Variants in CDH13 observed in about 807,000 individuals in gnomAD.
CDH13 encodes cadherin-13.
Under a neutral mutation model 63.8 loss-of-function variants are expected in CDH13, and 24 were observed. The observed-to-expected ratio is 0.38, with a 90% confidence interval of 0.27 to 0.53. The LOEUF (loss-of-function observed/expected upper bound fraction) is 0.53, where lower values mean the gene tolerates loss of function less well. Among genes scored for constraint, CDH13 ranks in the 20% least tolerant of loss-of-function variants. The probability of loss-of-function intolerance (pLI) is 0.85; values close to 1 mark genes in which losing one functional copy is unlikely to be tolerated. For synonymous variants in CDH13, 503 were observed against 355.3 expected, an observed-to-expected ratio of 1.42 and a Z score of -4.67; for missense variants, 1,049 against 903.1, an observed-to-expected ratio of 1.16 and a Z score of -2.07.
chr16:83,391,917 C>G (rs1206471906), intron 6 of CDH13, among the ~76,000 whole-genome samples: 1 of 152,096 alleles, frequency 6.6e-6, no homozygotes. Flanking sequence ...CTCAGATAAA[C>G]AAGATTTTTT....
chr16:83,067,224 C>G (rs955566424), intron 3 of CDH13, among the ~76,000 whole-genome samples: 1 of 152,184 alleles, frequency 6.6e-6, no homozygotes, highest in African/African-American at 2.4e-5. Flanking sequence ...AGGCAACTGA[C>G]TGTATCTCTG....
At chr16:83,010,546 A>G (rs999380835) in intron 2 of CDH13, among the ~76,000 whole-genome samples, 4 of 152,050 alleles carry the variant, frequency 2.6e-5, no homozygotes, top group African/African-American at 4.8e-5. Context: ...TCACACACAC[A>G]CATTTTATTT....
At chr16:82,791,854 C>A (rs950930927) in intron 1 of CDH13, among the ~76,000 whole-genome samples, 4 of 152,188 alleles carry the variant, frequency 2.6e-5, no homozygotes, top group Admixed American at 6.5e-5. Flanking sequence ...CTGCATGTGC[C>A]AAGGTTCCAT....
intron 11 of CDH13, among the ~76,000 whole-genome samples, chr16:83,767,706 A>G (rs979787205): frequency 6.6e-5 from 10 of 152,346 alleles, no homozygotes; most frequent in Admixed American, 1.3e-4. Context: ...CAACATGTAC[A>G]ACCCTCAAAA....
chr16:83,384,854 A>T (rs1240312177), intron 6 of CDH13, among the ~76,000 whole-genome samples: 1 of 152,244 alleles, frequency 6.6e-6, no homozygotes, highest in Non-Finnish European at 1.5e-5. Context: ...TCCATCTATT[A>T]TATACAAGTC....
chr16:82,912,936 G>C (rs996165472), intron 2 of CDH13, among the ~76,000 whole-genome samples: 5 of 147,786 alleles, frequency 3.4e-5, no homozygotes, highest in African/African-American at 5.0e-5. Context: ...GAGCGAGACT[G>C]TGACTAAAAA....
At chr16:83,137,592 A>C (rs1041050167) in intron 4 of CDH13, among the ~76,000 whole-genome samples, 22 of 152,136 alleles carry the variant, frequency 1.4e-4, no homozygotes, top group African/African-American at 4.1e-4. Context: ...TCCGCTGACA[A>C]CCCTGTTCAA....
rs114993698 is a variant in CDH13, at chr16:82,653,679, T to A, written c.45+26542T>A. On this transcript the variant is annotated intron_variant, in intron 1 of 13. Coordinates refer to ENST00000567109, the MANE Select transcript of CDH13 (RefSeq NM_001257.5). ...GGGGTGGATTGGTTAAGAAACACGA[T>A]GTGCATGTCATGTTGAGAAACTTGG... Among the ~76,000 whole-genome samples, 897 of 152,156 alleles carry A rather than the reference T, an allele frequency of 5.9e-3. 7 individuals are homozygous for A. Among genetic ancestry groups the A allele is most frequent in the African/African-American group, 0.021 (866 of 41,498 alleles).
At chr16:83,064,701 T>A (rs987357205) in intron 3 of CDH13, among the ~76,000 whole-genome samples, 3 of 152,206 alleles carry the variant, frequency 2.0e-5, no homozygotes, top group Non-Finnish European at 4.4e-5. Flanking sequence ...ATGTATTTAA[T>A]TAAAAGAATT....
intron 2 of CDH13, among the ~76,000 whole-genome samples, chr16:83,029,500 C>A (rs954993138): frequency 2.6e-5 from 4 of 152,098 alleles, no homozygotes; most frequent in Non-Finnish European, 1.5e-5. Context: ...AATATAGTAA[C>A]CTGGATACTA....
chr16:83,652,120 C>A (rs890018041), intron 8 of CDH13, among the ~76,000 whole-genome samples: 1 of 152,150 alleles, frequency 6.6e-6, no homozygotes, highest in South Asian at 2.1e-4. Flanking sequence ...GAATATGCGA[C>A]GTGCTCATGG....
intron 1 of CDH13, among the ~76,000 whole-genome samples, chr16:82,662,011 C>T (rs1215936182): frequency 1.3e-5 from 2 of 152,200 alleles, no homozygotes; most frequent in African/African-American, 2.4e-5. Flanking sequence ...TTGTCACAGG[C>T]GGCTAGTGGT....
chr16:82,980,660 A>G (rs1373213433), intron 2 of CDH13, among the ~76,000 whole-genome samples: 1 of 152,158 alleles, frequency 6.6e-6, no homozygotes, highest in Non-Finnish European at 1.5e-5. Flanking sequence ...GAAGAAACAG[A>G]CTTTAAAGAT....
chr16:82,809,355 C>T (rs1394618280), intron 1 of CDH13, among the ~76,000 whole-genome samples: 1 of 151,518 alleles, frequency 6.6e-6, no homozygotes, highest in East Asian at 1.9e-4. Context: ...AGTAGTTTAG[C>T]CTTGCCCTGT....
intron 2 of CDH13, among the ~76,000 whole-genome samples, chr16:82,896,115 ATTCATTCG>A (rs1411506587): frequency 2.0e-5 from 3 of 152,032 alleles, no homozygotes; most frequent in East Asian, 3.9e-4. Flanking sequence ...TCTCTCATTC[ATTCATTCG>A]TATCTTACCT....
chr16:82,869,113 C>G (rs1014543631), intron 2 of CDH13, among the ~76,000 whole-genome samples: 3 of 152,194 alleles, frequency 2.0e-5, no homozygotes, highest in Admixed American at 6.5e-5. Context: ...GTGGCGCAAT[C>G]TCAACTCACT....
At chr16:82,636,448 C>A (rs78658301) in intron 1 of CDH13, among the ~76,000 whole-genome samples, 2 of 152,144 alleles carry the variant, frequency 1.3e-5, no homozygotes, top group Non-Finnish European at 2.9e-5. Context: ...GCAGCCTGTA[C>A]AATTAACCAA....
Position 82,653,552 on chromosome 16 carries a change from T to C in CDH13, c.45+26415T>C, listed in dbSNP as rs114313137. 5.6e-3 allele frequency among the ~76,000 whole-genome samples: 839 copies of C among 150,936 alleles called. 5 individuals are homozygous for C. Among genetic ancestry groups the C allele is most frequent in the African/African-American group, 0.02 (801 of 41,032 alleles). On this transcript the variant is annotated intron_variant, in intron 1 of 13. Transcript: ENST00000567109. ...CAGCAGCAGAAGAAAAGACATGGAGTGGAGGGAGCTGGCAGTTCATGCTTG... is the reference window on the plus strand; with the variant it reads ...CAGCAGCAGAAGAAAAGACATGGAGCGGAGGGAGCTGGCAGTTCATGCTTG...
intron 3 of CDH13, among the ~76,000 whole-genome samples, chr16:83,045,002 C>G (rs897988737): frequency 5.3e-5 from 8 of 152,130 alleles, no homozygotes; most frequent in African/African-American, 1.4e-4. Context: ...AAATACTAGT[C>G]AATTCTAAAT....
Sources: gnomAD v4.1 joint callset for allele counts (sites outside exome capture counted in the v4.1 genomes callset) on GRCh38, gnomAD v4.1.1 for gene constraint, MANE v1.5 for transcripts, NCBI Gene and HGNC (gene_info 2026-07-23, HGNC 2026-07-21) for gene names.